PTPRT: variants seen among roughly 807,000 people sequenced by gnomAD.
PTPRT encodes receptor-type tyrosine-protein phosphatase T.
In PTPRT, 56 loss-of-function variants were observed where a neutral mutation model predicts 176.8. The observed-to-expected ratio is 0.32, with a 90% confidence interval of 0.26 to 0.40. PTPRT has a LOEUF of 0.40. Ranked by LOEUF, PTPRT falls within the 10% of genes least tolerant of loss-of-function variation. The pLI is 1.00. For synonymous variants in PTPRT, 783 were observed against 739.0 expected (o/e 1.06, Z -0.96); for missense variants, 1,540 against 1,908.2 (o/e 0.81, Z 3.60).
chr20:43,007,536 T>A (rs1488853602), intron 1 of PTPRT, among the ~76,000 whole-genome samples: 2 of 152,246 alleles, frequency 1.3e-5, no homozygotes, highest in African/African-American at 4.8e-5. Context: ...CATTACGGAT[T>A]TTGCTTATCC....
At chr20:42,157,007 G>A (rs1377802716) in intron 17 of PTPRT, among the ~76,000 whole-genome samples, 2 of 152,186 alleles carry the variant, frequency 1.3e-5, no homozygotes, top group Non-Finnish European at 2.9e-5. Context: ...ATAACGGCTT[G>A]TAATGCATAG....
intron 6 of PTPRT, among the ~76,000 whole-genome samples, chr20:42,750,555 G>A (rs2076756169): frequency 6.6e-6 from 1 of 152,090 alleles, no homozygotes; most frequent in Admixed American, 6.6e-5. Context: ...TCCCTTGGTA[G>A]GAAGTCACAT....
chr20:42,994,277 A>T (rs1015879130), intron 1 of PTPRT, among the ~76,000 whole-genome samples: 2 of 152,080 alleles, frequency 1.3e-5, no homozygotes, highest in Non-Finnish European at 2.9e-5. Flanking sequence ...AATGCTCCAC[A>T]CTTTTTCTCT....
chr20:43,098,646 G>T (rs2012267387), intron 1 of PTPRT, among the ~76,000 whole-genome samples: 1 of 151,478 alleles, frequency 6.6e-6, no homozygotes, highest in Non-Finnish European at 1.5e-5. Context: ...TCCTTACCAG[G>T]ATAAAAAATC....
At chr20:43,106,666 G>GAAAAA (rs71193676) in intron 1 of PTPRT, among the ~76,000 whole-genome samples, 6 of 86,998 alleles carry the variant, frequency 6.9e-5, no homozygotes, top group East Asian at 4.5e-4. Context: ...CTCAAAAAAA[G>GAAAAA]AAAAAAAAAA....
At chr20:42,392,243 G>T (rs1199718022) in intron 9 of PTPRT, among the ~76,000 whole-genome samples, 1 of 152,120 alleles carries the variant, frequency 6.6e-6, no homozygotes, top group African/African-American at 2.4e-5. Flanking sequence ...CTCAGACCTT[G>T]CATGAAATGT....
intron 6 of PTPRT, among the ~76,000 whole-genome samples, chr20:42,699,962 T>C (rs912996014): frequency 1.3e-5 from 2 of 152,196 alleles, no homozygotes; most frequent in Non-Finnish European, 2.9e-5. Context: ...TGACGTGTCA[T>C]GTGCCGCTTT....
intron 15 of PTPRT, among the ~76,000 whole-genome samples, chr20:42,212,453 A>AT (rs1182483579): frequency 6.6e-6 from 1 of 150,954 alleles, no homozygotes; most frequent in Non-Finnish European, 1.5e-5. Flanking sequence ...AATAGTGTAA[A>AT]TAGGGATATG....
intron 2 of PTPRT, among the ~76,000 whole-genome samples, chr20:42,837,726 C>T (rs895983944): frequency 3.9e-5 from 6 of 152,112 alleles, no homozygotes; most frequent in African/African-American, 9.7e-5. Context: ...AGTTGCTACA[C>T]GCAGAACAGA....
chr20:42,622,455 T>C (rs1190467558), intron 7 of PTPRT, among the ~76,000 whole-genome samples: 1 of 152,130 alleles, frequency 6.6e-6, no homozygotes, highest in Admixed American at 6.6e-5. Flanking sequence ...TTAGCCAGGA[T>C]GGTCTCAATC....
At chr20:42,160,796 AG>A (rs1320937619) in intron 17 of PTPRT, among the ~76,000 whole-genome samples, 2 of 152,182 alleles carry the variant, frequency 1.3e-5, no homozygotes, top group Non-Finnish European at 2.9e-5. Context: ...TGCCCAGTGC[AG>A]GGTGAAGAGA....
intron 7 of PTPRT, among the ~76,000 whole-genome samples, chr20:42,564,672 G>T (rs954197502): frequency 2.6e-5 from 4 of 152,024 alleles, no homozygotes; most frequent in African/African-American, 9.7e-5. Context: ...ACGGGTTGAT[G>T]GGTGCAGGAA....
intron 1 of PTPRT, among the ~76,000 whole-genome samples, chr20:43,034,997 C>T (rs1239499539): frequency 6.6e-5 from 10 of 151,872 alleles, no homozygotes; most frequent in Admixed American, 2.6e-4. Flanking sequence ...GGGGACTCAC[C>T]CACTAATTCT....
chr20:42,881,084 T>G (rs1430578371), intron 2 of PTPRT, among the ~76,000 whole-genome samples: 1 of 152,186 alleles, frequency 6.6e-6, no homozygotes, highest in Admixed American at 6.5e-5. Context: ...AGGTCTCAGG[T>G]GGACTTGGAC....
intron 7 of PTPRT, among the ~76,000 whole-genome samples, chr20:42,511,316 T>C (rs2071951608): frequency 6.6e-6 from 1 of 152,050 alleles, no homozygotes; most frequent in African/African-American, 2.4e-5. Context: ...AATAATAAAC[T>C]CTTGATACAA....
intron 8 of PTPRT, among the ~76,000 whole-genome samples, chr20:42,451,999 G>C (rs1342249820): frequency 6.6e-6 from 1 of 152,164 alleles, no homozygotes; most frequent in African/African-American, 2.4e-5. Flanking sequence ...GGCTGGGCTT[G>C]GTGGCCCACG....
chr20:43,031,782 G>A (rs1384385198), intron 1 of PTPRT, among the ~76,000 whole-genome samples: 1 of 152,100 alleles, frequency 6.6e-6, no homozygotes, highest in Non-Finnish European at 1.5e-5. Context: ...ACAATATAAG[G>A]GACTGTCTCT....
At chr20:43,024,360 G>C (rs1022382197) in intron 1 of PTPRT, among the ~76,000 whole-genome samples, 1 of 152,078 alleles carries the variant, frequency 6.6e-6, no homozygotes, top group Non-Finnish European at 1.5e-5. Context: ...TGGCTCCAAG[G>C]CTGGTAGATC....
intron 1 of PTPRT, among the ~76,000 whole-genome samples, chr20:42,912,844 C>A (rs2145936171): frequency 6.6e-6 from 1 of 152,264 alleles, no homozygotes; most frequent in East Asian, 1.9e-4. Flanking sequence ...TATTTCTGAG[C>A]TTTCTATTCT....
Sources: allele counts gnomAD v4.1 joint callset (sites outside exome capture counted in the v4.1 genomes callset), GRCh38; gene constraint gnomAD v4.1.1; transcripts MANE v1.5; gene names NCBI Gene and HGNC (gene_info 2026-07-23, HGNC 2026-07-21).